TTLL5: variants seen among roughly 807,000 people sequenced by gnomAD.
TTLL5 encodes the protein tubulin tyrosine ligase like 5.
A neutral mutation model predicts 168.4 loss-of-function variants in TTLL5; 132 were observed. The ratio of observed to expected loss-of-function variants is 0.78; its 90% CI spans 0.68 to 0.91. TTLL5 has a LOEUF of 0.91. Ranked by LOEUF, TTLL5 falls within the 40% of genes least tolerant of loss-of-function variation. TTLL5 has a pLI of 0.00. For synonymous variants in TTLL5, 546 were observed against 558.6 expected (o/e 0.98, Z 0.32); for missense variants, 1,545 against 1,581.5 (o/e 0.98, Z 0.39).
Position 75,785,142 on chromosome 14 carries a change from C to G in TTLL5, c.2986+1612C>G, listed in dbSNP as rs181801313. Among the ~76,000 whole-genome samples, 104 of 145,396 alleles carry G rather than the reference C, an allele frequency of 7.2e-4. 2 individuals carry two copies. In the East Asian group the frequency reaches 0.019, roughly 26 times the overall value. ...TGCTTTTGGTATCATGTCTGGAATA[C>G]TGTTGCCTAATCAAGTGTCACAGAG... On this transcript the variant is annotated intron_variant, in intron 26 of 31. Coordinates refer to ENST00000298832, the MANE Select transcript of TTLL5 (RefSeq NM_015072.5).
In TTLL5 at chr14:75,876,011, A is replaced by T. The variant is rs746263464; in HGVS notation, c.3523-6674A>T. ...CAAACAGTGCTGGGCATTGAAGGAGATATGAAAGAAATGTAAAGCAAAGCA... is the reference window on the plus strand; with the variant it reads ...CAAACAGTGCTGGGCATTGAAGGAGTTATGAAAGAAATGTAAAGCAAAGCA... On this transcript the variant is annotated intron_variant, in intron 29 of 31. Transcript: ENST00000298832. Among the ~76,000 whole-genome samples the T allele has an allele frequency of 1.2e-4, 18 of 152,204 alleles. 1 individual carries two copies. The highest frequency in any genetic ancestry group is 9.2e-4 in the Admixed American group (14 of 15,276).
Position 75,683,467 on chromosome 14 carries a change from G to A in TTLL5, c.265-83G>A. The A allele has an allele frequency of 2.6e-6, 3 of 1,145,078 alleles. No individual in the cohort carries two copies. The South Asian group carries it at 3.8e-5, about 15-fold the overall frequency. The allele number at this position is 1,145,078 out of a possible 1,614,324, so 70.9% of individuals were successfully genotyped here. ...GTACACTGTGGATGAAAAAATCACTGTGGCTTTTTCTGCCATTGCTTTTCC... is the reference window on the plus strand; with the variant it reads ...GTACACTGTGGATGAAAAAATCACTATGGCTTTTTCTGCCATTGCTTTTCC... On this transcript the variant is annotated intron_variant, in intron 4 of 31. Transcript: ENST00000298832.
chr14:75,811,175 GTGTGTGTGTGTGTA>G (rs577502227), intron 27 of TTLL5, among the ~76,000 whole-genome samples: 15,483 of 149,724 alleles, frequency 0.1, 992 homozygotes, highest in Non-Finnish European at 0.12. Context: ...GTGTGTGTGT[GTGTGTGTGTGTGTA>G]TGTGTGTGTG....
intron 14 of TTLL5, among the ~76,000 whole-genome samples, chr14:75,734,768 T>C (rs1566580924): frequency 6.6e-6 from 1 of 152,224 alleles, no homozygotes; most frequent in African/African-American, 2.4e-5. Context: ...GTTCCAGAAG[T>C]AGATCATGTA....
In TTLL5 at chr14:75,853,236, A is replaced by G. The variant is rs533386728; in HGVS notation, c.3327-10431A>G. ...GCATTTCTCACTTCTTCAGACCTTCATGCCAGTTTACTGGGTCATTCGGAC... is the reference window on the plus strand; with the variant it reads ...GCATTTCTCACTTCTTCAGACCTTCGTGCCAGTTTACTGGGTCATTCGGAC... On this transcript the variant is annotated intron_variant, in intron 28 of 31. Coordinates refer to ENST00000298832, the MANE Select transcript of TTLL5 (RefSeq NM_015072.5). Among the ~76,000 whole-genome samples, 24 of 152,308 alleles carry G rather than the reference A, an allele frequency of 1.6e-4. 1 individual carries two copies. Among genetic ancestry groups the G allele is most frequent in the Admixed American group, 7.8e-4 (12 of 15,300 alleles).
chr14:75,667,830 G>T (rs1227374242), intron 2 of TTLL5, among the ~76,000 whole-genome samples: 1 of 136,378 alleles, frequency 7.3e-6, no homozygotes, highest in African/African-American at 2.7e-5. Flanking sequence ...GCACGATCTT[G>T]GTTCACTGCA....
At chr14:75,859,452 G>A (rs1897298094) in intron 28 of TTLL5, among the ~76,000 whole-genome samples, 2 of 152,172 alleles carry the variant, frequency 1.3e-5, no homozygotes, top group East Asian at 3.9e-4. Flanking sequence ...ATGTAAAGGG[G>A]AAATACAGCC....
intron 22 of TTLL5, 110 bp from the exon 23 acceptor site, chr14:75,776,637 A>G: frequency 1.6e-6 from 1 of 620,286 alleles, no homozygotes; most frequent in South Asian, 3.4e-5. Context: ...AAATGTCTTT[A>G]CTATAAGGAC....
chr14:75,674,695 AT>A (rs1394923198), intron 3 of TTLL5, among the ~76,000 whole-genome samples: 2 of 151,904 alleles, frequency 1.3e-5, no homozygotes, highest in Non-Finnish European at 2.9e-5. Flanking sequence ...AGAATGAAGC[AT>A]TTTTCTGTAA....
chr14:75,923,666 C>T (rs201785499), intron 31 of TTLL5, among the ~76,000 whole-genome samples: 1 of 152,126 alleles, frequency 6.6e-6, no homozygotes, highest in South Asian at 2.1e-4. Flanking sequence ...TGATGTGGTG[C>T]TAAGAAGAAT....
intron 27 of TTLL5, among the ~76,000 whole-genome samples, chr14:75,815,779 G>A (rs1894356947): frequency 6.6e-6 from 1 of 152,186 alleles, no homozygotes; most frequent in Non-Finnish European, 1.5e-5. Context: ...TAAAACTGGA[G>A]TACCAGTTCT....
At chr14:75,813,634 A>G (rs904152404) in intron 27 of TTLL5, among the ~76,000 whole-genome samples, 2 of 152,096 alleles carry the variant, frequency 1.3e-5, no homozygotes, top group Non-Finnish European at 2.9e-5. Flanking sequence ...CGTCATTAGT[A>G]TTAATATAGT....
rs575964035 is a variant in TTLL5 at position 75,775,511 on chromosome 14, G to A, written c.2164G>A (p.Ala722Thr). ...MELVVRFLKR[A>T]SNNLQHSLRM... The stretch of plus-strand genomic sequence containing the variant: ...GCTGGTTGTTCGTTTCCTCAAGCGA[G>A]CATCAAATAACCTCCAGCATTCACT... The change falls in exon 22 of 32, where the codon GCA becomes ACA. Residue 722 changes from alanine to threonine, a missense_variant. Transcript: ENST00000298832. 1 of 1,613,836 alleles carries A rather than the reference G, an allele frequency of 6.2e-7. No homozygotes were observed. The highest frequency in any genetic ancestry group is 8.5e-7 in the Non-Finnish European group (1 of 1,179,926).
intron 31 of TTLL5, among the ~76,000 whole-genome samples, chr14:75,925,608 G>A (rs552119230): frequency 2.1e-3 from 324 of 151,564 alleles, no homozygotes; most frequent in Non-Finnish European, 2.5e-3. Flanking sequence ...CCCAGACGAT[G>A]GGCGGCCAGG....
intron 9 of TTLL5, among the ~76,000 whole-genome samples, chr14:75,715,037 T>C (rs1887335181): frequency 6.6e-6 from 1 of 152,202 alleles, no homozygotes; most frequent in Admixed American, 6.6e-5. Flanking sequence ...TTGCTTTTCA[T>C]ATTTTAAAAT....
intron 28 of TTLL5, among the ~76,000 whole-genome samples, chr14:75,844,376 TTG>T (rs1445265370): frequency 6.6e-6 from 1 of 152,230 alleles, no homozygotes; most frequent in East Asian, 1.9e-4. Context: ...TTGAGCATAT[TTG>T]TGTGGATCTT....
chr14:75,738,167 C>A lies in TTLL5; in HGVS notation c.1281+2878C>A, dbSNP rs375928092. Among the ~76,000 whole-genome samples the A allele has an allele frequency of 1.8e-4, 28 of 152,250 alleles. 1 individual carries two copies. In the South Asian group the frequency reaches 5.4e-3, roughly 29 times the overall value. On this transcript the variant is annotated intron_variant, in intron 15 of 31. Coordinates refer to ENST00000298832, the MANE Select transcript of TTLL5 (RefSeq NM_015072.5). ...TTTCTTTCTGAATGATCAGCATTTGCTTTCTTACTGTTTTTGTTAGCAGTA... is the reference window on the plus strand; with the variant it reads ...TTTCTTTCTGAATGATCAGCATTTGATTTCTTACTGTTTTTGTTAGCAGTA...
At chr14:75,789,841 G>A (rs1422038884) in intron 26 of TTLL5, among the ~76,000 whole-genome samples, 1 of 152,156 alleles carries the variant, frequency 6.6e-6, no homozygotes, top group African/African-American at 2.4e-5. Context: ...CTCAACAAGT[G>A]TGTCATTGGA....
rs1192882301 is a variant in TTLL5, at chr14:75,933,987, TG to T, written c.3824-20436del. 9.8e-5 allele frequency among the ~76,000 whole-genome samples: 15 copies of T among 152,288 alleles called. No homozygotes were observed. The East Asian group carries it at 2.7e-3, about 27-fold the overall frequency. On this transcript the variant is annotated intron_variant, in intron 31 of 31. Transcript: ENST00000298832. ...ATCTTGGGCTTTGAGCCTCCACAAC[TG>T]TGAGAAAATGAGTTCCTGTTATTTC...
Sources: gnomAD v4.1 joint callset for allele counts (sites outside exome capture counted in the v4.1 genomes callset) on GRCh38, gnomAD v4.1.1 for gene constraint, MANE v1.5 for transcripts, NCBI Gene and HGNC (gene_info 2026-07-23, HGNC 2026-07-21) for gene names.